The following SHANK2 variants were observed in gnomAD, a reference collection of about 807,000 sequenced individuals.
SHANK2 encodes the protein SH3 and multiple ankyrin repeat domains protein 2.
In SHANK2, 43 loss-of-function variants were observed where a neutral mutation model predicts 133.7. That is an observed-to-expected ratio of 0.32 (90% CI 0.25 to 0.41). The LOEUF is 0.41. Among genes scored for constraint, SHANK2 ranks in the 10% least tolerant of loss-of-function variants. SHANK2 has a pLI of 1.00. For synonymous variants in SHANK2, 1,017 were observed against 952.8 expected (o/e 1.07, Z -1.24); for missense variants, 1,994 against 2,235.8 (o/e 0.89, Z 2.18).
At chr11:70,844,323 T>C (rs1170948960) in intron 11 of SHANK2, among the ~76,000 whole-genome samples, 1 of 151,922 alleles carries the variant, frequency 6.6e-6, no homozygotes, top group Non-Finnish European at 1.5e-5. Flanking sequence ...CTACCTGAAA[T>C]TGCCATGCGT....
At chr11:71,056,222 C>A (rs1415763602) in intron 10 of SHANK2, among the ~76,000 whole-genome samples, 9 of 152,178 alleles carry the variant, frequency 5.9e-5, no homozygotes, top group Admixed American at 5.9e-4. Context: ...GCCTTTCCGG[C>A]GCTGACTGCT....
At chr11:71,065,992 GA>G (rs1429211677) in intron 9 of SHANK2, among the ~76,000 whole-genome samples, 82 of 47,532 alleles carry the variant, frequency 1.7e-3, no homozygotes, top group East Asian at 4.1e-3. Context: ...GTTGGGAGGG[GA>G]GTACAGAACT....
intron 2 of SHANK2, among the ~76,000 whole-genome samples, chr11:71,213,857 C>T (rs913527416): frequency 6.6e-6 from 1 of 152,216 alleles, no homozygotes; most frequent in Non-Finnish European, 1.5e-5. Context: ...CTCGCAGACA[C>T]TGGGAGAGAC....
At chr11:70,539,106 AG>A (rs2059580858) in intron 17 of SHANK2, among the ~76,000 whole-genome samples, 1 of 152,198 alleles carries the variant, frequency 6.6e-6, no homozygotes, top group Non-Finnish European at 1.5e-5. Flanking sequence ...CGGCACACAG[AG>A]GATCAGGATC....
At chr11:70,682,626 A>G (rs1420078074) in intron 15 of SHANK2, among the ~76,000 whole-genome samples, 1 of 152,160 alleles carries the variant, frequency 6.6e-6, no homozygotes. Flanking sequence ...GTTGTTTTCT[A>G]AAACAGACAA....
intron 17 of SHANK2, among the ~76,000 whole-genome samples, chr11:70,657,709 T>C (rs1291444628): frequency 6.6e-6 from 1 of 152,204 alleles, no homozygotes; most frequent in Non-Finnish European, 1.5e-5. Context: ...ATTCCTAGAA[T>C]ACTGGAAGTC....
At chr11:70,911,986 G>A (rs1950197735) in intron 10 of SHANK2, among the ~76,000 whole-genome samples, 1 of 150,364 alleles carries the variant, frequency 6.7e-6, no homozygotes, top group Non-Finnish European at 1.5e-5. Flanking sequence ...GGAGGCTGAG[G>A]CAGGAGAATT....
Position 70,820,354 on chromosome 11 carries a change from C to T in SHANK2, c.1493+10G>A, listed in dbSNP as rs377561878. 1,000 of 612,298 alleles carry T rather than the reference C, an allele frequency of 1.6e-3. No individual in the cohort carries two copies. The highest frequency in any genetic ancestry group is 2.5e-3 in the Non-Finnish European group (834 of 330,506). 37.9% of individuals were successfully genotyped at this position (612,298 alleles called of 1,614,324 possible). The stretch of plus-strand genomic sequence containing the variant: ...CGGTCTTCCTTCCCTTGGCGTCTGC[C>T]ACTCCTTACCCGACATGCCAGAGAG... On this transcript the variant is annotated intron_variant, in intron 12 of 25. Coordinates refer to ENST00000601538, the MANE Select transcript of SHANK2 (RefSeq NM_012309.5).
At chr11:70,674,765 CT>C (rs1283431312) in intron 15 of SHANK2, among the ~76,000 whole-genome samples, 4 of 152,230 alleles carry the variant, frequency 2.6e-5, no homozygotes, top group African/African-American at 4.8e-5. Context: ...ACTCACTCTG[CT>C]AGTTGTGGCA....
chr11:71,167,576 T>C (rs1310290913), intron 2 of SHANK2, among the ~76,000 whole-genome samples: 8 of 125,652 alleles, frequency 6.4e-5, no homozygotes, highest in Non-Finnish European at 1.0e-4. Context: ...ACGGGGCGGC[T>C]GGCCGGGCAG....
At chr11:70,688,106 C>A (rs1555020096) in intron 15 of SHANK2, among the ~76,000 whole-genome samples, 2 of 152,202 alleles carry the variant, frequency 1.3e-5, no homozygotes, top group African/African-American at 4.8e-5. Flanking sequence ...AGAGCTTGGC[C>A]TCCCTGCTCT....
intron 1 of SHANK2, among the ~76,000 whole-genome samples, chr11:71,236,785 C>T (rs1309872919): frequency 6.6e-6 from 1 of 152,198 alleles, no homozygotes; most frequent in East Asian, 1.9e-4. Flanking sequence ...ATTTTTACTC[C>T]AGCCTGGTTG....
intron 14 of SHANK2, among the ~76,000 whole-genome samples, chr11:70,754,363 A>G (rs945420133): frequency 6.6e-6 from 1 of 152,240 alleles, no homozygotes; most frequent in Admixed American, 6.5e-5. Flanking sequence ...TCCTTAAAAT[A>G]TTAGGAAGTC....
intron 14 of SHANK2, among the ~76,000 whole-genome samples, chr11:70,771,699 C>G (rs1373218250): frequency 6.6e-6 from 1 of 151,992 alleles, no homozygotes; most frequent in East Asian, 1.9e-4. Context: ...AGGGGTGACT[C>G]TAAGCTCATT....
In SHANK2 at chr11:70,601,128, G is replaced by A. The variant is rs116393208; in HGVS notation, c.2061+58700C>T. Reference sequence around the variant, plus strand: ...GCGCAGTGGTGTAATCTCAGCTCACGGCAATCTCCACCTCCTGGGTTTAAG... The same window carrying A: ...GCGCAGTGGTGTAATCTCAGCTCACAGCAATCTCCACCTCCTGGGTTTAAG... On this transcript the variant is annotated intron_variant, in intron 17 of 25. Coordinates refer to ENST00000601538, the MANE Select transcript of SHANK2 (RefSeq NM_012309.5). Among the ~76,000 whole-genome samples the A allele has an allele frequency of 3.1e-3, 468 of 152,024 alleles. 1 individual carries two copies. Among genetic ancestry groups the A allele is most frequent in the Non-Finnish European group, 3.4e-3 (232 of 68,004 alleles).
At chr11:70,716,717 C>T (rs1164900900) in intron 14 of SHANK2, among the ~76,000 whole-genome samples, 1 of 152,206 alleles carries the variant, frequency 6.6e-6, no homozygotes, top group African/African-American at 2.4e-5. Context: ...AGATTCTACA[C>T]GTCGCTGACA....
chr11:70,578,390 C>T (rs2060143224), intron 17 of SHANK2, among the ~76,000 whole-genome samples: 1 of 152,220 alleles, frequency 6.6e-6, no homozygotes, highest in Non-Finnish European at 1.5e-5. Flanking sequence ...CTTCCCTGCT[C>T]ACCTGAGGAT....
At chr11:70,755,841 G>A (rs1416193682) in intron 14 of SHANK2, among the ~76,000 whole-genome samples, 2 of 152,246 alleles carry the variant, frequency 1.3e-5, no homozygotes, top group African/African-American at 4.8e-5. Context: ...TGGGGCCATC[G>A]TAGGGCCACT....
intron 17 of SHANK2, among the ~76,000 whole-genome samples, chr11:70,602,772 AT>A (rs1365942716): frequency 2.6e-5 from 4 of 152,222 alleles, no homozygotes; most frequent in Admixed American, 2.6e-4. Context: ...TCTGAAATTT[AT>A]TTTATAGTAT....
Sources: gnomAD v4.1 joint callset for allele counts (sites outside exome capture counted in the v4.1 genomes callset) on GRCh38, gnomAD v4.1.1 for gene constraint, MANE v1.5 for transcripts, NCBI Gene and HGNC (gene_info 2026-07-23, HGNC 2026-07-21) for gene names.